RBMS3: variants seen among roughly 807,000 people sequenced by gnomAD.
The protein encoded by RBMS3 is RNA-binding motif, single-stranded-interacting protein 3.
A neutral mutation model predicts 66.8 loss-of-function variants in RBMS3; 27 were observed. The observed-to-expected ratio is 0.40, with a 90% CI of 0.30 to 0.56. The LOEUF (loss-of-function observed/expected upper bound fraction) is 0.56, where lower values mean the gene tolerates loss of function less well. RBMS3 is among the 20% of genes least tolerant of loss of function. The pLI is 0.40. For missense variants in RBMS3, 513 were observed against 549.5 expected (o/e 0.93, Z 0.66); for synonymous variants, 188 against 183.0 (o/e 1.03, Z -0.22).
intron 2 of RBMS3, among the ~76,000 whole-genome samples, chr3:29,458,761 A>T (rs187958220): frequency 1.3e-5 from 2 of 152,172 alleles, no homozygotes; most frequent in African/African-American, 4.8e-5. Flanking sequence ...GAGCATTTAA[A>T]TTGTTTTTCT....
At chr3:29,294,021 A>G (rs2033041224) in intron 1 of RBMS3, among the ~76,000 whole-genome samples, 1 of 151,458 alleles carries the variant, frequency 6.6e-6, no homozygotes, top group Non-Finnish European at 1.5e-5. Flanking sequence ...CTTCCAGATC[A>G]TATTTGTGTC....
At chr3:29,641,429 C>T (rs140875004) in intron 4 of RBMS3, among the ~76,000 whole-genome samples, 7 of 152,004 alleles carry the variant, frequency 4.6e-5, no homozygotes, top group East Asian at 1.9e-4. Flanking sequence ...GGTTTAGAAT[C>T]GATTTCTAAA....
intron 1 of RBMS3, among the ~76,000 whole-genome samples, chr3:29,389,559 G>T (rs910249975): frequency 1.3e-5 from 2 of 152,096 alleles, no homozygotes; most frequent in African/African-American, 4.8e-5. Flanking sequence ...GAAAGTGCAG[G>T]TCCCACTCAC....
At chr3:29,912,674 T>C (rs2060545484) in intron 10 of RBMS3, among the ~76,000 whole-genome samples, 3 of 152,062 alleles carry the variant, frequency 2.0e-5, no homozygotes, top group African/African-American at 7.2e-5. Context: ...ATGTTAACTT[T>C]CAATTTTCTG....
chr3:29,996,770 G>A (rs1420038577), intron 14 of RBMS3, among the ~76,000 whole-genome samples: 2 of 152,176 alleles, frequency 1.3e-5, no homozygotes, highest in East Asian at 3.9e-4. Context: ...TCAAAGCAGT[G>A]TGTAGAGGGA....
At chr3:29,993,558 T>G (rs1699019233) in intron 14 of RBMS3, among the ~76,000 whole-genome samples, 1 of 152,194 alleles carries the variant, frequency 6.6e-6, no homozygotes, top group South Asian at 2.1e-4. Context: ...CCCCCCACTG[T>G]GGGAGGCTTC....
chr3:29,720,546 AT>A (rs1257839776), intron 4 of RBMS3, among the ~76,000 whole-genome samples: 2 of 152,172 alleles, frequency 1.3e-5, no homozygotes, highest in Non-Finnish European at 2.9e-5. Context: ...ATATATAAAC[AT>A]ATACCTAAAT....
At chr3:29,749,909 A>G (rs1454542110) in intron 5 of RBMS3, among the ~76,000 whole-genome samples, 1 of 152,220 alleles carries the variant, frequency 6.6e-6, no homozygotes, top group Non-Finnish European at 1.5e-5. Flanking sequence ...ATATTGCCAT[A>G]AAACAAGAAT....
chr3:29,539,063 T>C (rs2045670933), intron 3 of RBMS3, among the ~76,000 whole-genome samples: 1 of 152,172 alleles, frequency 6.6e-6, no homozygotes, highest in African/African-American at 2.4e-5. Context: ...AGAATGAATA[T>C]AATCACAGAA....
At chr3:29,468,571 T>G (rs1438330) in intron 2 of RBMS3, among the ~76,000 whole-genome samples, 11,050 of 152,240 alleles carry the variant, frequency 0.073, 477 homozygotes, top group East Asian at 0.16. Flanking sequence ...TAACTTAAGA[T>G]GGACACTTAA....
At chr3:29,971,097 C>G (rs149054326) in intron 12 of RBMS3, among the ~76,000 whole-genome samples, 1 of 152,270 alleles carries the variant, frequency 6.6e-6, no homozygotes, top group Non-Finnish European at 1.5e-5. Flanking sequence ...AGTGTCTTCT[C>G]TCTTCCCATC....
intron 4 of RBMS3, among the ~76,000 whole-genome samples, chr3:29,717,479 T>C (rs1332332353): frequency 6.6e-6 from 1 of 152,136 alleles, no homozygotes; most frequent in East Asian, 1.9e-4. Context: ...TGCTAAAATA[T>C]GAATTGTAAA....
At chr3:29,373,553 A>T (rs2038315397) in intron 1 of RBMS3, among the ~76,000 whole-genome samples, 2 of 152,340 alleles carry the variant, frequency 1.3e-5, no homozygotes, top group Non-Finnish European at 2.9e-5. Context: ...GGTTTGAAAA[A>T]TGATAATGAT....
At chr3:29,330,913 G>T (rs6777437) in intron 1 of RBMS3, among the ~76,000 whole-genome samples, 1 of 151,902 alleles carries the variant, frequency 6.6e-6, no homozygotes, top group Non-Finnish European at 1.5e-5. Flanking sequence ...CTGGAATAAA[G>T]TTGCTTTGCA....
intron 1 of RBMS3, among the ~76,000 whole-genome samples, chr3:29,312,146 T>A (rs1358833429): frequency 6.6e-6 from 1 of 151,830 alleles, no homozygotes; most frequent in Non-Finnish European, 1.5e-5. Flanking sequence ...ACCCACCCTT[T>A]CCTAAACTTT....
chr3:29,327,748 TTTAGCCATCATGTC>T (rs1463478068), intron 1 of RBMS3, among the ~76,000 whole-genome samples: 1 of 152,138 alleles, frequency 6.6e-6, no homozygotes, highest in African/African-American at 2.4e-5. Context: ...AAGGGAGTAT[TTTAGCCATCATGTC>T]TTCCAAGGAT....
chr3:29,845,903 G>C (rs2058763707), intron 6 of RBMS3, among the ~76,000 whole-genome samples: 2 of 152,114 alleles, frequency 1.3e-5, no homozygotes, highest in Non-Finnish European at 2.9e-5. Context: ...AGATATTTGA[G>C]AGGAAAGATT....
intron 3 of RBMS3, chr3:29,526,106 A>T (rs901158201): frequency 1.3e-5 from 2 of 152,188 alleles, no homozygotes; most frequent in African/African-American, 4.8e-5. Flanking sequence ...CTATAGAGGG[A>T]CAGCCTGGGC....
chr3:29,962,527 C>G (rs776216746), intron 12 of RBMS3, among the ~76,000 whole-genome samples: 17 of 137,194 alleles, frequency 1.2e-4, no homozygotes, highest in Non-Finnish European at 2.1e-4. Context: ...AGTTAAAGCT[C>G]TGTTTTTAAT....
Sources: gnomAD v4.1 joint callset for allele counts (sites outside exome capture counted in the v4.1 genomes callset) on GRCh38, gnomAD v4.1.1 for gene constraint, MANE v1.5 for transcripts, NCBI Gene and HGNC (gene_info 2026-07-23, HGNC 2026-07-21) for gene names.